SEPTIN9: variants seen among roughly 807,000 people sequenced by gnomAD.
SEPTIN9 encodes septin 9, also known as septin-9.
A neutral mutation model predicts 56.6 loss-of-function variants in SEPTIN9; 13 were observed. The ratio of observed to expected loss-of-function variants is 0.23; its 90% CI spans 0.15 to 0.37. The LOEUF (loss-of-function observed/expected upper bound fraction) is 0.37, where lower values mean the gene tolerates loss of function less well. Among genes scored for constraint, SEPTIN9 ranks in the 10% least tolerant of loss-of-function variants. The probability of loss-of-function intolerance (pLI) is 1.00; values close to 1 mark genes in which losing one functional copy is unlikely to be tolerated. For synonymous variants in SEPTIN9, 332 were observed against 334.1 expected (o/e 0.99, Z 0.07); for missense variants, 650 against 823.1 (o/e 0.79, Z 2.57).
At position 77,436,301 on chromosome 17, in the gene SEPTIN9, C is replaced by G. The variant is rs2037335303; in HGVS notation, c.721+33598C>G. Among the ~76,000 whole-genome samples, 1 of 152,198 alleles carries G rather than the reference C, an allele frequency of 6.6e-6. No individual in the cohort carries two copies. Among genetic ancestry groups the G allele is most frequent in the Admixed American group, 6.5e-5 (1 of 15,286 alleles). On this transcript the variant is annotated intron_variant, in intron 3 of 11. Coordinates refer to ENST00000427177, the MANE Select transcript of SEPTIN9 (RefSeq NM_001113491.2). This position sits in a 1 kb window ranked among gnomAD's most constrained non-coding sequence, Gnocchi z 4.4. The stretch of plus-strand genomic sequence containing the variant: ...ACACAGCGCTGTTCGGCACAGTCCC[C>G]TCTGAGCCACCCTGCATGTTTCATT...
intron 3 of SEPTIN9, among the ~76,000 whole-genome samples, chr17:77,473,057 C>G (rs1394262682): frequency 6.6e-6 from 1 of 152,162 alleles, no homozygotes; most frequent in East Asian, 1.9e-4. Context: ...GTTTTCAGAG[C>G]CCCCCAGGGA....
At chr17:77,431,182 G>C (rs1207499504) in intron 3 of SEPTIN9, among the ~76,000 whole-genome samples, 2 of 152,150 alleles carry the variant, frequency 1.3e-5, no homozygotes, top group Non-Finnish European at 2.9e-5. Flanking sequence ...AGTGGCGCTT[G>C]CCTGTAGTCC....
chr17:77,418,807 T>G (rs2036593534), intron 3 of SEPTIN9, among the ~76,000 whole-genome samples: 1 of 152,156 alleles, frequency 6.6e-6, no homozygotes, highest in South Asian at 2.1e-4. Flanking sequence ...CAGGTAGTCA[T>G]GTAGGTCTGT....
intron 2 of SEPTIN9, among the ~76,000 whole-genome samples, chr17:77,392,469 A>T: frequency 6.6e-6 from 1 of 152,108 alleles, no homozygotes. Context: ...GGTACTGTGG[A>T]TGATGACCCC....
intron 2 of SEPTIN9, among the ~76,000 whole-genome samples, chr17:77,332,288 A>C (rs2033395093): frequency 9.0e-6 from 1 of 111,346 alleles, no homozygotes; most frequent in Non-Finnish European, 1.9e-5. Context: ...AAAACAAAAC[A>C]AAACAAAACC....
chr17:77,433,860 G>A lies in SEPTIN9; in HGVS notation c.721+31157G>A, dbSNP rs538081474. On this transcript the variant is annotated intron_variant, in intron 3 of 11. Transcript: ENST00000427177. The surrounding 1 kb of genome is among the most constrained non-coding windows in gnomAD (Gnocchi z 6.4). The stretch of plus-strand genomic sequence containing the variant: ...TTCATTTTCCCTCTCTGCCCCTCCC[G>A]CTGGCCCTTCCCATATGGTCCTAAT... Among the ~76,000 whole-genome samples, 24 of 151,818 alleles carry A rather than the reference G, an allele frequency of 1.6e-4. No individual in the cohort carries two copies. The South Asian group carries it at 4.4e-3, about 28-fold the overall frequency.
At position 77,292,634 on chromosome 17, in the gene SEPTIN9, C is replaced by T. The variant is rs376363641; in HGVS notation, c.19+11080C>T. Reference sequence around the variant, plus strand: ...TCAGCCTCCCAAGTAGCTGGGACTACAGGCGCCCGCCACCATGCCTGGCCA... The same window carrying T: ...TCAGCCTCCCAAGTAGCTGGGACTATAGGCGCCCGCCACCATGCCTGGCCA... On this transcript the variant is annotated intron_variant, in intron 1 of 11. Coordinates refer to ENST00000427177, the MANE Select transcript of SEPTIN9 (RefSeq NM_001113491.2). Among the ~76,000 whole-genome samples the T allele has an allele frequency of 5.7e-4, 86 of 152,048 alleles. 1 individual carries two copies. In the East Asian group the frequency reaches 7.6e-3, roughly 13 times the overall value.
Position 77,402,301 on chromosome 17 carries a change from C to A in SEPTIN9, c.319C>A (p.Arg107Ser). The change falls in exon 3 of 12, where the codon CGC (arginine) becomes AGC (serine). Residue 107 changes from arginine (R) to serine (S), a missense_variant. Coordinates refer to ENST00000427177, the MANE Select transcript of SEPTIN9 (RefSeq NM_001113491.2). This position sits in a 1 kb window ranked among gnomAD's most constrained non-coding sequence, Gnocchi z 6.6. ...GPKAAEPVSRRTELSIDISSK... is the reference protein window; with the variant it reads ...GPKAAEPVSRSTELSIDISSK... ...CAAGGCGGCCGAGCCGGTGTCCCGG[C>A]GCACTGAGCTGTCCATTGACATCTC... 1 of 1,612,704 alleles carries A rather than the reference C, an allele frequency of 6.2e-7. No individual in the cohort carries two copies. Among genetic ancestry groups the A allele is most frequent in the Non-Finnish European group, 8.5e-7 (1 of 1,179,784 alleles).
Position 77,299,567 on chromosome 17 carries a change from C to T in SEPTIN9, c.20-7574C>T, listed in dbSNP as rs77077899. Among the ~76,000 whole-genome samples the T allele has an allele frequency of 9.5e-3, 1,453 of 152,326 alleles. 21 individuals are homozygous for T. The highest frequency in any genetic ancestry group is 0.032 in the African/African-American group (1,345 of 41,566). The stretch of plus-strand genomic sequence containing the variant: ...TTGGGTGAAGCAGCAAGATCCTTAT[C>T]TCTTCAAAAAATTGTTGATTGTTTA... On this transcript the variant is annotated intron_variant, in intron 1 of 11. Transcript: ENST00000427177.
Position 77,402,024 on chromosome 17 carries a change from A to G in SEPTIN9, c.77-35A>G, listed in dbSNP as rs933663551. On this transcript the variant is annotated intron_variant, in intron 2 of 11. Coordinates refer to ENST00000427177, the MANE Select transcript of SEPTIN9 (RefSeq NM_001113491.2). This position sits in a 1 kb window ranked among gnomAD's most constrained non-coding sequence, Gnocchi z 6.6. ...ATGCCGGAGTGTTCCCTAGCCATCC[A>G]TTCACCAATTGCATCCCCTCTCTTT... 11 of 1,598,350 alleles carry G rather than the reference A, an allele frequency of 6.9e-6. No homozygotes were observed. In the East Asian group the frequency reaches 2.0e-4, roughly 29 times the overall value.
chr17:77,390,161 C>T (rs1357936054), intron 2 of SEPTIN9, among the ~76,000 whole-genome samples: 1 of 151,782 alleles, frequency 6.6e-6, no homozygotes, highest in African/African-American at 2.4e-5. Context: ...CCTGGTTCTG[C>T]TCTGCGTAAA....
intron 3 of SEPTIN9, chr17:77,466,480 G>A (rs1251747434): frequency 2.0e-6 from 2 of 985,440 alleles, no homozygotes; most frequent in Admixed American, 6.1e-5. Context: ...AGCTGCGTGA[G>A]CGTGAGCGAG....
At chr17:77,304,572 A>C (rs1598491615) in intron 1 of SEPTIN9, among the ~76,000 whole-genome samples, 2 of 151,870 alleles carry the variant, frequency 1.3e-5, no homozygotes, top group East Asian at 3.9e-4. Flanking sequence ...CCCAGGGAGG[A>C]GGATAGGGCA....
chr17:77,442,990 C>G (rs1462741454), intron 3 of SEPTIN9, among the ~76,000 whole-genome samples: 1 of 151,972 alleles, frequency 6.6e-6, no homozygotes, highest in Admixed American at 6.6e-5. Flanking sequence ...ACAATGTCTT[C>G]TTAGGTGTGG....
chr17:77,363,379 CTTTTTTTTT>C (rs34313886), intron 2 of SEPTIN9, among the ~76,000 whole-genome samples: 34 of 66,620 alleles, frequency 5.1e-4, no homozygotes, highest in African/African-American at 1.9e-3. Flanking sequence ...TTGGGCCTGT[CTTTTTTTTT>C]TTTTTTTTTT....
At position 77,449,585 on chromosome 17, in the gene SEPTIN9, G is replaced by T. The variant is rs756247859; in HGVS notation, c.722-32559G>T. Among the ~76,000 whole-genome samples the T allele has an allele frequency of 1.3e-5, 2 of 152,236 alleles. No homozygotes were observed. Among genetic ancestry groups the T allele is most frequent in the Non-Finnish European group, 1.5e-5 (1 of 68,046 alleles). On this transcript the variant is annotated intron_variant, in intron 3 of 11. Coordinates refer to ENST00000427177, the MANE Select transcript of SEPTIN9 (RefSeq NM_001113491.2). The surrounding 1 kb of genome is among the most constrained non-coding windows in gnomAD (Gnocchi z 4.6). ...TGCCCACGGGGAGGGAGAGGCCCAC[G>T]GGGCAGGGGCGTGGTGGGAGCTGCA... is the stretch of plus-strand genomic sequence containing the variant.
rs1194993943 is a variant in SEPTIN9, at chr17:77,284,339, C to T, written c.19+2785C>T. Among the ~76,000 whole-genome samples, 3 of 152,240 alleles carry T rather than the reference C, an allele frequency of 2.0e-5. No individual in the cohort carries two copies. In the East Asian group the frequency reaches 5.8e-4, roughly 29 times the overall value. On this transcript the variant is annotated intron_variant, in intron 1 of 11. Coordinates refer to ENST00000427177, the MANE Select transcript of SEPTIN9 (RefSeq NM_001113491.2). The stretch of plus-strand genomic sequence containing the variant: ...TTTCCAATGCGGAAGGCAGCAAGGG[C>T]CCACACAGGGCAGCTGCAGGATCCA...
At chr17:77,390,288 A>C (rs375606230) in intron 2 of SEPTIN9, among the ~76,000 whole-genome samples, 105 of 141,800 alleles carry the variant, frequency 7.4e-4, no homozygotes, top group African/African-American at 2.6e-3. Context: ...CGGAGCTTGC[A>C]GTGAGCAGAG....
At chr17:77,498,095 C>T (rs1379391008) in intron 11 of SEPTIN9, among the ~76,000 whole-genome samples, 1 of 152,072 alleles carries the variant, frequency 6.6e-6, no homozygotes, top group Non-Finnish European at 1.5e-5. Context: ...TGCCCCAGGC[C>T]ACCTGCCTGC....
Sources: allele counts gnomAD v4.1 joint callset (sites outside exome capture counted in the v4.1 genomes callset), GRCh38; gene constraint gnomAD v4.1.1; non-coding constraint Gnocchi (gnomAD v3.1); transcripts MANE v1.5; gene names NCBI Gene and HGNC (gene_info 2026-07-23, HGNC 2026-07-21).